CAST: variants seen among roughly 807,000 people sequenced by gnomAD.
The protein encoded by CAST is MIR583 host.
Under a neutral mutation model 119.6 loss-of-function variants are expected in CAST, and 76 were observed. The observed-to-expected ratio is 0.64, with a 90% CI of 0.53 to 0.77. The LOEUF (loss-of-function observed/expected upper bound fraction) is 0.77. CAST is among the 30% of genes least tolerant of loss of function. The pLI is 0.00. For missense variants in CAST, 953 were observed against 946.5 expected, an observed-to-expected ratio of 1.01 and a Z score of -0.09; for synonymous variants, 319 against 331.6, an observed-to-expected ratio of 0.96 and a Z score of 0.41.
Position 96,597,941 on chromosome 5 carries a change from G to C in CAST, c.60+68061G>C, listed in dbSNP as rs549423901. The stretch of plus-strand genomic sequence containing the variant: ...GGGAGAGAAAAATGGAAAAAGAAGG[G>C]GGGAGGGGGAGAGGCCAGCAGTACT... On this transcript the variant is annotated intron_variant, in intron 1 of 11. Coordinates refer to the CAST transcript ENST00000505143. 3.3e-3 allele frequency among the ~76,000 whole-genome samples: 504 copies of C among 151,770 alleles called. 3 individuals carry two copies. The highest frequency in any genetic ancestry group is 0.01 in the Middle Eastern group (3 of 292).
the CAST span, among the ~76,000 whole-genome samples, chr5:95,980,177 G>A: frequency 7.2e-5 from 11 of 152,076 alleles, no homozygotes; most frequent in Admixed American, 3.3e-4. Context: ...GAAGTGTTAC[G>A]CTGATTACTT....
At chr5:96,160,501 T>A in the CAST span, among the ~76,000 whole-genome samples, 1 of 152,184 alleles carries the variant, frequency 6.6e-6, no homozygotes, top group East Asian at 1.9e-4. Flanking sequence ...TTTTGTCTAT[T>A]CATTCATCTA....
At chr5:96,128,354 T>C in the CAST span, among the ~76,000 whole-genome samples, 1 of 152,220 alleles carries the variant, frequency 6.6e-6, no homozygotes, top group Non-Finnish European at 1.5e-5. Context: ...TTTAGTCTGA[T>C]TGATGTTTCC....
At chr5:96,254,821 T>C in the CAST span, among the ~76,000 whole-genome samples, 1 of 152,108 alleles carries the variant, frequency 6.6e-6, no homozygotes, top group Non-Finnish European at 1.5e-5. Flanking sequence ...TTTAAAAAAA[T>C]TTCTGTCTTT....
At chr5:96,080,262 A>G in the CAST span, among the ~76,000 whole-genome samples, 1 of 152,246 alleles carries the variant, frequency 6.6e-6, no homozygotes, top group African/African-American at 2.4e-5. Flanking sequence ...CACATATAAT[A>G]CATTCTACAT....
chr5:96,550,960 C>CG (rs1193154802), intron 1 of CAST, among the ~76,000 whole-genome samples: 3 of 152,092 alleles, frequency 2.0e-5, no homozygotes, highest in Non-Finnish European at 4.4e-5. Context: ...CTGAAAGTCA[C>CG]GGGGGGAATG....
At chr5:96,202,454 T>C in the CAST span, among the ~76,000 whole-genome samples, 1 of 152,074 alleles carries the variant, frequency 6.6e-6, no homozygotes, top group African/African-American at 2.4e-5. Context: ...TCATGGGAAA[T>C]GTAAATTCAG....
chr5:96,423,184 A>T, the CAST span: 1 of 830,730 alleles, frequency 1.2e-6, no homozygotes, highest in African/African-American at 1.7e-5. Context: ...GGGAGAAGGG[A>T]CATAACCTTG....
the CAST span, among the ~76,000 whole-genome samples, chr5:96,401,590 T>C: frequency 4.9e-4 from 74 of 152,354 alleles, no homozygotes; most frequent in South Asian, 8.3e-4. Context: ...GGATCTATTA[T>C]ACTATGATGA....
upstream of CAST, among the ~76,000 whole-genome samples, chr5:96,526,587 T>C (rs149009740): frequency 6.5e-3 from 987 of 152,306 alleles, 13 homozygotes; most frequent in African/African-American, 0.023. Context: ...TACTTCAATA[T>C]AGTCAATATG....
rs199593341 is a variant in CAST, at chr5:96,597,944, GA to G, written c.60+68065del. Among the ~76,000 whole-genome samples the G allele has an allele frequency of 9.6e-3, 1,449 of 151,184 alleles. 20 individuals carry two copies. Among genetic ancestry groups the G allele is most frequent in the African/African-American group, 0.024 (965 of 40,886 alleles). On this transcript the variant is annotated intron_variant, in intron 1 of 11. Transcript: ENST00000505143. ...AGAGAAAAATGGAAAAAGAAGGGGG[GA>G]GGGGGAGAGGCCAGCAGTACTAGGG...
At chr5:96,222,681 C>A in the CAST span, among the ~76,000 whole-genome samples, 1 of 151,912 alleles carries the variant, frequency 6.6e-6, no homozygotes, top group Non-Finnish European at 1.5e-5. Flanking sequence ...GTTAGTACAA[C>A]CACAATGAAA....
chr5:96,256,360 AATATACAGTAATATATAT>A, the CAST span, among the ~76,000 whole-genome samples: 2 of 116,300 alleles, frequency 1.7e-5, no homozygotes, highest in South Asian at 5.0e-4. Context: ...ACAGTATATA[AATATACAGTAATATATAT>A]ATATACTATA....
At chr5:96,338,780 T>C in the CAST span, among the ~76,000 whole-genome samples, 1 of 152,168 alleles carries the variant, frequency 6.6e-6, no homozygotes, top group Admixed American at 6.6e-5. Flanking sequence ...TGGGAGCCCT[T>C]CTGCCTGGTT....
At chr5:96,514,684 G>T in the CAST span, among the ~76,000 whole-genome samples, 36 of 152,222 alleles carry the variant, frequency 2.4e-4, 1 homozygote, top group Admixed American at 1.2e-3. Flanking sequence ...GCCTGTGTCT[G>T]AGATGCCCCC....
the CAST span, among the ~76,000 whole-genome samples, chr5:96,046,153 G>A: frequency 6.6e-6 from 1 of 152,100 alleles, no homozygotes; most frequent in Non-Finnish European, 1.5e-5. Context: ...GGGGAGAAGG[G>A]GAGGAGATGA....
chr5:96,130,080 C>T, the CAST span, among the ~76,000 whole-genome samples: 10 of 143,642 alleles, frequency 7.0e-5, no homozygotes, highest in South Asian at 8.7e-4. Flanking sequence ...AACTTTCTTC[C>T]AGAGTACCTG....
chr5:96,404,361 C>A, the CAST span, among the ~76,000 whole-genome samples: 1 of 152,174 alleles, frequency 6.6e-6, no homozygotes, highest in Non-Finnish European at 1.5e-5. Context: ...TAGTTGCTGG[C>A]AAAATGACCT....
the CAST span, among the ~76,000 whole-genome samples, chr5:96,334,894 A>G: frequency 6.6e-6 from 1 of 152,224 alleles, no homozygotes; most frequent in Non-Finnish European, 1.5e-5. Flanking sequence ...TTATCCTGCT[A>G]TAGAGGCAAA....
Sources: allele counts gnomAD v4.1 joint callset (sites outside exome capture counted in the v4.1 genomes callset), GRCh38; gene constraint gnomAD v4.1.1; transcripts MANE v1.5; gene names NCBI Gene and HGNC (gene_info 2026-07-23, HGNC 2026-07-21).